The following BACE2 variants were observed in gnomAD, a reference collection of about 807,000 sequenced individuals.
BACE2 encodes beta-secretase 2.
Under a neutral mutation model 46.2 loss-of-function variants are expected in BACE2, and 17 were observed. That is an observed-to-expected ratio of 0.37 (90% confidence interval 0.25 to 0.55). The LOEUF (loss-of-function observed/expected upper bound fraction) is 0.55. BACE2 is among the 20% of genes least tolerant of loss of function. The pLI is 0.82. For missense variants in BACE2, 595 were observed against 698.1 expected (o/e 0.85, Z 1.66); for synonymous variants, 277 against 295.9 (o/e 0.94, Z 0.66).
At chr21:41,174,620 T>C (rs1173820513) in intron 1 of BACE2, among the ~76,000 whole-genome samples, 2 of 152,166 alleles carry the variant, frequency 1.3e-5, no homozygotes, top group African/African-American at 4.8e-5. Context: ...ATTCAGGGTC[T>C]ACCTGTGCTG....
At chr21:41,200,670 G>T (rs1985934949) in intron 1 of BACE2, among the ~76,000 whole-genome samples, 1 of 152,144 alleles carries the variant, frequency 6.6e-6, no homozygotes, top group African/African-American at 2.4e-5. Flanking sequence ...GTTAAAATGT[G>T]GCCATGAGGG....
rs533189164 is a variant in BACE2 at position 41,213,819 on chromosome 21, G to A, written c.313-12447G>A. 4.5e-4 allele frequency among the ~76,000 whole-genome samples: 68 copies of A among 152,126 alleles called. 1 individual carries two copies. The highest frequency in any genetic ancestry group is 1.5e-3 in the South Asian group (7 of 4,826). On this transcript the variant is annotated intron_variant, in intron 1 of 8. Transcript: ENST00000330333. ...TTGTCTGGGCAGGGCCCGGCATGGG[G>A]AGAAAGTTTTGACTGTTTCCAAGAA...
intron 1 of BACE2, among the ~76,000 whole-genome samples, chr21:41,191,088 CA>C (rs1160303165): frequency 6.6e-6 from 1 of 152,164 alleles, no homozygotes; most frequent in African/African-American, 2.4e-5. Flanking sequence ...CTTCCACTTC[CA>C]ACCCTTGATT....
intron 1 of BACE2, among the ~76,000 whole-genome samples, chr21:41,190,211 C>T (rs1985517800): frequency 6.6e-6 from 1 of 152,198 alleles, no homozygotes; most frequent in African/African-American, 2.4e-5. Flanking sequence ...CACCCCTCGT[C>T]AACTTGAACC....
At chr21:41,191,756 G>A (rs1045423690) in intron 1 of BACE2, among the ~76,000 whole-genome samples, 25 of 152,164 alleles carry the variant, frequency 1.6e-4, no homozygotes, top group Admixed American at 9.2e-4. Flanking sequence ...GGGTGATGAC[G>A]GGGGTGGCTG....
chr21:41,189,493 A>C (rs2123510432), intron 1 of BACE2, among the ~76,000 whole-genome samples: 2 of 152,240 alleles, frequency 1.3e-5, no homozygotes, highest in Admixed American at 1.3e-4. Context: ...ACATCTTCTT[A>C]TATTTCTCTG....
At chr21:41,240,194 C>T (rs564746711) in intron 3 of BACE2, among the ~76,000 whole-genome samples, 1 of 152,160 alleles carries the variant, frequency 6.6e-6, no homozygotes, top group Non-Finnish European at 1.5e-5. Flanking sequence ...GACAGGTGGG[C>T]TGAGCGCTCT....
chr21:41,203,240 C>T (rs547034954), intron 1 of BACE2, among the ~76,000 whole-genome samples: 15 of 152,072 alleles, frequency 9.9e-5, no homozygotes, highest in African/African-American at 2.7e-4. Flanking sequence ...GGAATATCAG[C>T]GGTAGGGAAG....
chr21:41,185,989 TGA>T (rs1985361295), intron 1 of BACE2: 1 of 152,110 alleles, frequency 6.6e-6, no homozygotes, highest in African/African-American at 2.4e-5. Flanking sequence ...GGACTGAAAA[TGA>T]AACCAAAGTG....
intron 1 of BACE2, chr21:41,183,772 G>C (rs1370944170): frequency 1.2e-5 from 2 of 167,094 alleles, no homozygotes; most frequent in Admixed American, 1.3e-4. Context: ...GAGAAGGTTA[G>C]CTCTAGTATT....
chr21:41,185,669 T>C (rs1384742442), intron 1 of BACE2, among the ~76,000 whole-genome samples: 2 of 152,238 alleles, frequency 1.3e-5, no homozygotes, highest in Admixed American at 6.5e-5. Flanking sequence ...CCAGAGCATC[T>C]GGAGGGTGGC....
chr21:41,226,321 A>T lies in BACE2; in HGVS notation c.368A>T (p.His123Leu). 6.2e-7 allele frequency: 1 copy of T among 1,613,902 alleles called. No individual in the cohort carries two copies. The highest frequency in any genetic ancestry group is 8.5e-7 in the Non-Finnish European group (1 of 1,179,982). The change falls in exon 2 of 9, where the codon CAC becomes CTC. Residue 123 changes from histidine (H) to leucine (L), a missense_variant. Physicochemically the swap from His to Leu is moderately conservative, Grantham distance 99 (BLOSUM62 -3). This residue lies in a region of BACE2 where 248 missense variants were observed against 261.4 expected (regional missense o/e 0.95). Transcript: ENST00000330333. ...SSNFAVAGTPHSYIDTYFDTE... is the reference protein window; with the variant it reads ...SSNFAVAGTPLSYIDTYFDTE... The stretch of plus-strand genomic sequence containing the variant: ...AACTTTGCCGTGGCAGGAACCCCGC[A>T]CTCCTACATAGACACGTACTTTGAC...
At chr21:41,206,850 A>G (rs1464464680) in intron 1 of BACE2, among the ~76,000 whole-genome samples, 1 of 150,964 alleles carries the variant, frequency 6.6e-6, no homozygotes, top group African/African-American at 2.5e-5. Context: ...AATTGCAAGG[A>G]GTAATCATCT....
At chr21:41,223,537 T>C (rs913235267) in intron 1 of BACE2, among the ~76,000 whole-genome samples, 3 of 152,166 alleles carry the variant, frequency 2.0e-5, no homozygotes, top group Non-Finnish European at 2.9e-5. Flanking sequence ...CTCCCATCCC[T>C]GTCTCTGCTG....
rs191141415 is a variant in BACE2 at position 41,247,283 on chromosome 21, T to C, written c.984+1220T>C. On this transcript the variant is annotated intron_variant, in intron 6 of 8. Coordinates refer to ENST00000330333, the MANE Select transcript of BACE2 (RefSeq NM_012105.5). ...GGATGAAACGGACACAGAGGGGGAA[T>C]AGGCAGGAAAGGACGCGGGCTCTTT... is the stretch of plus-strand genomic sequence containing the variant. Among the ~76,000 whole-genome samples, 199 of 151,904 alleles carry C rather than the reference T, an allele frequency of 1.3e-3. 3 individuals carry two copies. In the South Asian group the frequency reaches 0.019, roughly 14 times the overall value.
intron 1 of BACE2, among the ~76,000 whole-genome samples, chr21:41,171,736 C>T (rs734757): frequency 0.32 from 49,345 of 152,148 alleles, 9,692 homozygotes; most frequent in Non-Finnish European, 0.44. Context: ...AGAAGGTGTG[C>T]AGCCATATAC....
intron 1 of BACE2, among the ~76,000 whole-genome samples, chr21:41,203,340 G>A (rs1986019973): frequency 6.6e-6 from 1 of 152,118 alleles, no homozygotes; most frequent in Admixed American, 6.6e-5. Flanking sequence ...GGGTGGGAGA[G>A]CAAGGTGCTT....
chr21:41,172,815 T>C (rs1305359750), intron 1 of BACE2, among the ~76,000 whole-genome samples: 4 of 152,196 alleles, frequency 2.6e-5, no homozygotes, highest in East Asian at 1.9e-4. Flanking sequence ...CTCAAAACAA[T>C]AGAAACTTGT....
chr21:41,190,832 G>A (rs1439671378), intron 1 of BACE2, among the ~76,000 whole-genome samples: 1 of 152,152 alleles, frequency 6.6e-6, no homozygotes. Flanking sequence ...CATCTTGATA[G>A]TCTGGGTCAA....
Sources: allele counts gnomAD v4.1 joint callset (sites outside exome capture counted in the v4.1 genomes callset), GRCh38; gene constraint gnomAD v4.1.1; regional missense constraint gnomAD v4.1.1; transcripts MANE v1.5; gene names NCBI Gene and HGNC (gene_info 2026-07-23, HGNC 2026-07-21).